Variants in CARMIL3 observed in about 807,000 individuals in gnomAD.
CARMIL3 encodes the protein capping protein, Arp2/3 and myosin-I linker protein 3.
In CARMIL3, 88 loss-of-function variants were observed where a neutral mutation model predicts 180.8. The ratio of observed to expected loss-of-function variants is 0.49; its 90% CI spans 0.41 to 0.58. The LOEUF (loss-of-function observed/expected upper bound fraction) is 0.58, where lower values mean the gene tolerates loss of function less well. Ranked by LOEUF, CARMIL3 falls within the 20% of genes least tolerant of loss-of-function variation. The pLI is 0.00. For missense variants in CARMIL3, 1,548 were observed against 1,787.0 expected (o/e 0.87, Z 2.41); for synonymous variants, 696 against 714.5 (o/e 0.97, Z 0.41).
In CARMIL3 at chr14:24,063,156, A is replaced by G; in HGVS notation, c.2743A>G (p.Lys915Glu). The change falls in exon 30 of 40, where the codon AAG (lysine) becomes GAG (glutamate). Residue 915 changes from lysine (K) to glutamate (E), a missense_variant. Coordinates refer to ENST00000342740, the MANE Select transcript of CARMIL3 (RefSeq NM_138360.4). ...CATCAAAAAGCAGAAACGCTGCCGC[A>G]AGATTCGGCCGGTGTCTGCCTTCAT... ...MAIKKQKRCR[K>E]IRPVSAFISG... The G allele has an allele frequency of 1.2e-6, 2 of 1,613,460 alleles. No individual in the cohort carries two copies. Among genetic ancestry groups the G allele is most frequent in the Non-Finnish European group, 1.7e-6 (2 of 1,179,412 alleles).
At chr14:24,068,363 C>A (rs540943546) in intron 36 of CARMIL3, among the ~76,000 whole-genome samples, 3 of 149,348 alleles carry the variant, frequency 2.0e-5, no homozygotes, top group Admixed American at 6.7e-5. Flanking sequence ...CACCACTGTA[C>A]TCCAGCCTGG....
Position 24,059,258 on chromosome 14 carries a change from T to C in CARMIL3, c.1627-12T>C, listed in dbSNP as rs1176898894. On this transcript the variant is annotated splice_polypyrimidine_tract_variant and intron_variant, in intron 20 of 39. Transcript: ENST00000342740. This position sits in a 1 kb window ranked among gnomAD's most constrained non-coding sequence, Gnocchi z 6.3. ...TGTGGGGACTGGGTCCAACCGCCCC[T>C]TGCCCACACAGTCCCTGCAGTCACT... 14 of 1,613,734 alleles carry C rather than the reference T, an allele frequency of 8.7e-6. No homozygotes were observed. Among genetic ancestry groups the C allele is most frequent in the Non-Finnish European group, 1.0e-5 (12 of 1,179,914 alleles).
intron 38 of CARMIL3, 44 bp from the exon 39 acceptor site, chr14:24,069,093 T>C (rs748487796): frequency 5.0e-6 from 8 of 1,608,976 alleles, no homozygotes; most frequent in Non-Finnish European, 6.8e-6. Context: ...CATCCCAGCA[T>C]GAGCCCCACT....
rs760209920 is a variant in CARMIL3, at chr14:24,056,635, G to C, written c.879G>C (p.Leu293=). ...NPIEDKGFLS[L]SQQLLCFPSG... ...TCCACTCCCCAGGTTTTCTCAGTCT[G>C]AGCCAGCAGCTCCTCTGCTTCCCCT... The change falls in exon 12 of 40, where the codon CTG becomes CTC. Residue 293 remains leucine (L), a synonymous_variant. Coordinates refer to ENST00000342740, the MANE Select transcript of CARMIL3 (RefSeq NM_138360.4). 5.6e-6 allele frequency: 9 copies of C among 1,613,782 alleles called. No homozygotes were observed. In the South Asian group the frequency reaches 9.9e-5, roughly 18 times the overall value.
Position 24,056,383 on chromosome 14 carries a change from C to A in CARMIL3, c.855C>A (p.Ile285=), listed in dbSNP as rs372578406. The A allele has an allele frequency of 6.2e-7, 1 of 1,613,402 alleles. No individual in the cohort carries two copies. The highest frequency in any genetic ancestry group is 8.5e-7 in the Non-Finnish European group (1 of 1,179,520). The stretch of plus-strand genomic sequence containing the variant: ...CCCTCACTCTGTCCCACAACCCCAT[C>A]GAGGACAAGGGTGAGCCCCAGCCCT... The part of the protein sequence containing the change: ...LHALTLSHNP[I]EDKGFLSLSQ... Residue 285 remains isoleucine, a synonymous_variant, in exon 11 of 40, where the codon ATC becomes ATA. Coordinates refer to ENST00000342740, the MANE Select transcript of CARMIL3 (RefSeq NM_138360.4).
rs1436521619 is a variant in CARMIL3, at chr14:24,064,331, T to C, written c.3065T>C (p.Leu1022Pro). 20 of 1,609,834 alleles carry C rather than the reference T, an allele frequency of 1.2e-5. No individual in the cohort carries two copies. The Middle Eastern group carries it at 6.6e-4, about 53-fold the overall frequency. The change falls in exon 32 of 40, where the codon CTG becomes CCG. Residue 1022 changes from leucine to proline, a missense_variant. This residue lies in a region of CARMIL3 where 668 missense variants were observed against 687.8 expected (regional missense o/e 0.97). Coordinates refer to ENST00000342740, the MANE Select transcript of CARMIL3 (RefSeq NM_138360.4). ...GAGGACTTCTTCAGCCGAAGGGTCC[T>C]GGAGGAAAGTTCTAGGTGTGATGCC... ...GLEDFFSRRVLEESSSYPRTL... is the reference protein window; with the variant it reads ...GLEDFFSRRVPEESSSYPRTL...
rs750436219 is a variant in CARMIL3, at chr14:24,068,569, C to G, written c.3683-15C>G. On this transcript the variant is annotated splice_polypyrimidine_tract_variant and intron_variant, in intron 36 of 39. Transcript: ENST00000342740. ...AATGCCTTTTCCTGCAGCTTCTCCT[C>G]TCTCTCATCCCCAGCTGAAGAGAGT... 2.5e-6 allele frequency: 4 copies of G among 1,591,292 alleles called. No individual in the cohort carries two copies. The highest frequency in any genetic ancestry group is 3.4e-6 in the Non-Finnish European group (4 of 1,165,426).
rs775138405 is a variant in CARMIL3, at chr14:24,054,515, A to T, written c.362+4A>T. 6.2e-7 allele frequency: 1 copy of T among 1,606,186 alleles called. No individual in the cohort carries two copies. The highest frequency in any genetic ancestry group is 2.2e-5 in the East Asian group (1 of 44,802). On this transcript the variant is annotated splice_donor_region_variant and intron_variant, in intron 5 of 39. Coordinates refer to ENST00000342740, the MANE Select transcript of CARMIL3 (RefSeq NM_138360.4). The surrounding 1 kb of genome is among the most constrained non-coding windows in gnomAD (Gnocchi z 5.1). ...CCAAGGTCTGCCCTGGCCCTGGGTG[A>T]GTGGCAAATAAGGGGTCTCTTAAGG... is the stretch of plus-strand genomic sequence containing the variant.
chr14:24,069,091 C>T, intron 38 of CARMIL3, 46 bp from the exon 39 acceptor site: 1 of 1,608,226 alleles, frequency 6.2e-7, no homozygotes, highest in Middle Eastern at 1.7e-4. Flanking sequence ...AGCATCCCAG[C>T]ATGAGCCCCA....
In CARMIL3 at chr14:24,061,991, T is replaced by C. The variant is rs1388835373; in HGVS notation, c.2480+319T>C. 1 of 349,594 alleles carries C rather than the reference T, an allele frequency of 2.9e-6. No homozygotes were observed. The highest frequency in any genetic ancestry group is 5.2e-6 in the Non-Finnish European group (1 of 190,798). The allele number at this position is 349,594 out of a possible 1,614,324, so 21.7% of individuals were successfully genotyped here. ...AAGAAAAGTACCTGAGTTGGGTGCA[T>C]GGAAGCACTGTCTTCCTCCCAGTTT... is the stretch of plus-strand genomic sequence containing the variant. On this transcript the variant is annotated intron_variant, in intron 27 of 39. Transcript: ENST00000342740. The surrounding 1 kb of genome is among the most constrained non-coding windows in gnomAD (Gnocchi z 4.1).
intron 29 of CARMIL3, 35 bp from the exon 30 acceptor site, chr14:24,063,085 G>A (rs750133437): frequency 5.6e-6 from 9 of 1,606,332 alleles, no homozygotes; most frequent in South Asian, 2.2e-5. Flanking sequence ...TCTGGGTGAG[G>A]TGCCTGGCCC....
rs1566539291 is a variant in CARMIL3, at chr14:24,057,030, T to G, written c.1062+6T>G. 6.2e-7 allele frequency: 1 copy of G among 1,611,902 alleles called. No individual in the cohort carries two copies. The highest frequency in any genetic ancestry group is 2.2e-5 in the East Asian group (1 of 44,820). Reference sequence around the variant, plus strand: ...TCGCCACGGATGAGGCCAATGTGAGTCCTCAGAACAGCCTCAGCCCCCTGC... The same window carrying G: ...TCGCCACGGATGAGGCCAATGTGAGGCCTCAGAACAGCCTCAGCCCCCTGC... On this transcript the variant is annotated splice_donor_region_variant and intron_variant, in intron 13 of 39. Transcript: ENST00000342740.
At chr14:24,067,185 C>T (rs938423997) in intron 36 of CARMIL3, among the ~76,000 whole-genome samples, 4 of 152,218 alleles carry the variant, frequency 2.6e-5, no homozygotes, top group Admixed American at 6.5e-5. Context: ...CTCAGCCACC[C>T]GCGACCTTAA....
intron 33 of CARMIL3, 122 bp downstream of exon 33, chr14:24,065,395 C>T: frequency 9.0e-7 from 1 of 1,108,006 alleles, no homozygotes; most frequent in South Asian, 1.7e-5. Flanking sequence ...GAACATTGGT[C>T]ATTTCAATTC....
rs1343911751 is a variant in CARMIL3, at chr14:24,069,687, G to A, written c.*283G>A. The A allele has an allele frequency of 1.1e-5, 6 of 529,332 alleles. No individual in the cohort carries two copies. The highest frequency in any genetic ancestry group is 2.0e-5 in the Non-Finnish European group (6 of 296,258). 32.8% of individuals were successfully genotyped at this position (529,332 alleles called of 1,614,324 possible). On this transcript the variant is annotated 3_prime_UTR_variant, in exon 40 of 40. Coordinates refer to ENST00000342740, the MANE Select transcript of CARMIL3 (RefSeq NM_138360.4). ...TGGATCTCTGTCCCTCTATCCCCAG[G>A]GACTCTCTCCCCTCTTGTATAGAAT... is the stretch of plus-strand genomic sequence containing the variant.
Position 24,058,975 on chromosome 14 carries a change from T to C in CARMIL3, c.1560T>C (p.Asn520=). ...ACCTGTTTTTGGGCAAGAACTTCAA[T>C]GTCAAGGCCAAGTGAGGCCCCCTTT... ...LKHLFLGKNF[N]VKAKTLEEIL... Residue 520 remains asparagine (N), a synonymous_variant, in exon 19 of 40, where the codon AAT becomes AAC. Coordinates refer to ENST00000342740, the MANE Select transcript of CARMIL3 (RefSeq NM_138360.4). This position sits in a 1 kb window ranked among gnomAD's most constrained non-coding sequence, Gnocchi z 6.4. 2 of 1,614,172 alleles carry C rather than the reference T, an allele frequency of 1.2e-6. No homozygotes were observed. The highest frequency in any genetic ancestry group is 1.1e-5 in the South Asian group (1 of 91,074).
At chr14:24,052,945 G>C (rs2035632961) in intron 1 of CARMIL3, among the ~76,000 whole-genome samples, 1 of 152,178 alleles carries the variant, frequency 6.6e-6, no homozygotes, top group African/African-American at 2.4e-5. Context: ...GATGCTCGTG[G>C]ATACTCAGAG....
chr14:24,062,458 G>A (rs1427156124), intron 27 of CARMIL3, 22 bp from the exon 28 acceptor site: 10 of 1,608,094 alleles, frequency 6.2e-6, no homozygotes, highest in Non-Finnish European at 7.7e-6. Context: ...AATGTTCTGA[G>A]TAGCCCCACC....
At position 24,058,332 on chromosome 14, in the gene CARMIL3, C is replaced by T; in HGVS notation, c.1392+108C>T. ...AGCCTCTGTGCTGACCCTCTGCGAC[C>T]CCCTGACCTGGCCACACCACCACTT... On this transcript the variant is annotated intron_variant, in intron 17 of 39. Transcript: ENST00000342740. The surrounding 1 kb of genome is among the most constrained non-coding windows in gnomAD (Gnocchi z 6.4). 1 of 1,235,630 alleles carries T rather than the reference C, an allele frequency of 8.1e-7. No homozygotes were observed. Among genetic ancestry groups the T allele is most frequent in the Non-Finnish European group, 1.1e-6 (1 of 881,154 alleles). 76.5% of individuals were successfully genotyped at this position (1,235,630 alleles called of 1,614,324 possible). A position where few individuals can be genotyped will look rare whatever the true frequency, so the allele number is the denominator to read the frequency against.
Sources: allele counts gnomAD v4.1 joint callset (sites outside exome capture counted in the v4.1 genomes callset), GRCh38; gene constraint gnomAD v4.1.1; regional missense constraint gnomAD v4.1.1; non-coding constraint Gnocchi (gnomAD v3.1); transcripts MANE v1.5; gene names NCBI Gene and HGNC (gene_info 2026-07-23, HGNC 2026-07-21).